MOSPD1: variants seen among roughly 807,000 people sequenced by gnomAD.
MOSPD1 encodes the protein motile sperm domain-containing protein 1.
In MOSPD1, 5 loss-of-function variants were observed where a neutral mutation model predicts 16.7. That is an observed-to-expected ratio of 0.30 (90% CI 0.16 to 0.63). The LOEUF (loss-of-function observed/expected upper bound fraction) is 0.63, where lower values mean the gene tolerates loss of function less well. MOSPD1 is among the 30% of genes least tolerant of loss of function. The probability of loss-of-function intolerance (pLI) is 0.82; values close to 1 mark genes in which losing one functional copy is unlikely to be tolerated. For missense variants in MOSPD1, 104 were observed against 153.6 expected, an observed-to-expected ratio of 0.68 and a Z score of 1.71; for synonymous variants, 67 against 59.2, an observed-to-expected ratio of 1.13 and a Z score of -0.61.
At chrX:134,910,127 G>A (rs1207227837) in intron 1 of MOSPD1, among the ~76,000 whole-genome samples, 1 of 111,526 alleles carries the variant, frequency 9.0e-6, no homozygotes, top group Non-Finnish European at 1.9e-5. Context: ...TTCATGGCCG[G>A]GCGCAGTGAC....
chrX:134,892,684 G>A (rs2082867758), intron 4 of MOSPD1, among the ~76,000 whole-genome samples: 1 of 111,916 alleles, frequency 8.9e-6, no homozygotes, highest in African/African-American at 3.2e-5. Flanking sequence ...ATGAGGTCAG[G>A]GGTTTGAGAA....
intron 4 of MOSPD1, among the ~76,000 whole-genome samples, chrX:134,893,555 G>A (rs886428664): frequency 8.9e-6 from 1 of 111,813 alleles, no homozygotes; most frequent in Non-Finnish European, 1.9e-5. Context: ...AAACGTAAAT[G>A]TTCCTCCATA....
intron 1 of MOSPD1, among the ~76,000 whole-genome samples, chrX:134,913,382 T>C (rs1226582259): frequency 1.8e-5 from 2 of 111,467 alleles, no homozygotes; most frequent in Non-Finnish European, 3.8e-5. Flanking sequence ...TCAAAAAATA[T>C]ATATATTTTT....
intron 1 of MOSPD1, among the ~76,000 whole-genome samples, chrX:134,906,151 C>CCTA (rs1380229465): frequency 3.5e-4 from 36 of 102,381 alleles, no homozygotes; most frequent in Admixed American, 9.6e-4. Context: ...TATTTCTTTT[C>CCTA]CTATCTCTGT....
intron 3 of MOSPD1, 101 bp downstream of exon 3, chrX:134,898,989 C>T (rs911785105): frequency 2.3e-5 from 16 of 706,276 alleles, no homozygotes; most frequent in African/African-American, 2.2e-4. Flanking sequence ...TAATAAATGC[C>T]TATGTGAGAA....
rs912274173 is a variant in MOSPD1 at position 134,888,209 on chromosome X, TA to T, written c.*951del. The T allele has an allele frequency of 5.4e-4, 60 of 111,463 alleles. 2 individuals are homozygous for T. The highest frequency in any genetic ancestry group is 4.6e-3 in the Middle Eastern group (1 of 217). The allele number at this position is 111,463 out of a possible 1,213,427, so 9.2% of individuals were successfully genotyped here. A position where few individuals can be genotyped will look rare whatever the true frequency, so the allele number is the denominator to read the frequency against. On this transcript the variant is annotated 3_prime_UTR_variant, in exon 6 of 6. Coordinates refer to ENST00000370783, the MANE Select transcript of MOSPD1 (RefSeq NM_019556.3). ...TTGGCAAAGTTGTCTTAATAATAAATAAAAACTTAAAAAAAAGTCTCAGTGA... is the reference window on the plus strand; with the variant it reads ...TTGGCAAAGTTGTCTTAATAATAAATAAAACTTAAAAAAAAGTCTCAGTGA...
chrX:134,889,229 C>T lies in MOSPD1; in HGVS notation c.611-37G>A, dbSNP rs772093752. The stretch of plus-strand genomic sequence containing the variant: ...AAAATGGAGAACAGTTAAAGGTATG[C>T]ACCTAACAGAATCTTTCATTCAATA... On this transcript the variant is annotated intron_variant, in intron 5 of 5. Coordinates refer to ENST00000370783, the MANE Select transcript of MOSPD1 (RefSeq NM_019556.3). 6.5e-6 allele frequency: 7 copies of T among 1,083,047 alleles called. No homozygotes were observed. In the African/African-American group the frequency reaches 9.3e-5, roughly 14 times the overall value. The allele number at this position is 1,083,047 out of a possible 1,213,427, so 89.3% of individuals were successfully genotyped here.
Position 134,900,736 on chromosome X carries a change from C to CTT in MOSPD1, c.-101-1204_-101-1203dup, listed in dbSNP as rs764421916. Among the ~76,000 whole-genome samples the CTT allele has an allele frequency of 5.9e-5, 6 of 102,458 alleles. No homozygotes were observed. The South Asian group carries it at 2.1e-3, about 37-fold the overall frequency. 89.0% of individuals were successfully genotyped at this position (102,458 alleles called of 115,157 possible). A position where few individuals can be genotyped will look rare whatever the true frequency, so the allele number is the denominator to read the frequency against. ...TATTTACCAAGCACACCAAGTGTGC[C>CTT]TTTTTTTTTTTTTAAGAGACAGGGT... On this transcript the variant is annotated intron_variant, in intron 1 of 5. Transcript: ENST00000370783.
intron 1 of MOSPD1, chrX:134,899,754 T>C: frequency 5.8e-6 from 1 of 172,173 alleles, no homozygotes; most frequent in Non-Finnish European, 1.1e-5. Flanking sequence ...TGTGGTGAAA[T>C]GCTGTCTCTA....
intron 1 of MOSPD1, among the ~76,000 whole-genome samples, chrX:134,910,367 T>C (rs1380712375): frequency 3.7e-5 from 4 of 109,391 alleles, no homozygotes; most frequent in Non-Finnish European, 7.6e-5. Flanking sequence ...ATCACACCAC[T>C]GCACTCCAGC....
intron 1 of MOSPD1, among the ~76,000 whole-genome samples, chrX:134,906,174 C>T (rs865999450): frequency 3.5e-5 from 2 of 56,645 alleles, no homozygotes; most frequent in African/African-American, 1.8e-4. Flanking sequence ...CCATTTATCA[C>T]TTTTTTTTTT....
chrX:134,906,798 T>G (rs2082945823), intron 1 of MOSPD1, among the ~76,000 whole-genome samples: 1 of 111,868 alleles, frequency 8.9e-6, no homozygotes, highest in African/African-American at 3.2e-5. Context: ...GGTTCCCACT[T>G]TTCTAATTTG....
chrX:134,908,994 G>A (rs966540960), intron 1 of MOSPD1, among the ~76,000 whole-genome samples: 1 of 111,333 alleles, frequency 9.0e-6, no homozygotes, highest in African/African-American at 3.3e-5. Context: ...CAGGCCGGGC[G>A]CGGTGGCTCA....
At chrX:134,902,391 A>ATAAT (rs57236654) in intron 1 of MOSPD1, among the ~76,000 whole-genome samples, 1 of 46,461 alleles carries the variant, frequency 2.2e-5, no homozygotes, top group Non-Finnish European at 4.4e-5. Context: ...ATTCCGTCTC[A>ATAAT]TAAATAAATA....
intron 1 of MOSPD1, among the ~76,000 whole-genome samples, chrX:134,906,164 C>T (rs1349469098): frequency 1.1e-5 from 1 of 94,996 alleles, no homozygotes; most frequent in African/African-American, 4.1e-5. Flanking sequence ...ATCTCTGTTC[C>T]CATTTATCAC....
At chrX:134,913,506 TTTC>T (rs1389160736) in intron 1 of MOSPD1, among the ~76,000 whole-genome samples, 1 of 112,238 alleles carries the variant, frequency 8.9e-6, no homozygotes, top group African/African-American at 3.2e-5. Context: ...TCTCTGATCA[TTTC>T]TTAACTGTTA....
chrX:134,896,901 T>C lies in MOSPD1; in HGVS notation c.364A>G (p.Lys122Glu). ...EVVATLLPSA[K>E]EQQKEEEEKR... is the part of the protein sequence containing the mutation. ...TCCTCTTCTTCCTTTTGTTGTTCTTTTGCTGATGGGAGAAGAGTAGCAACA... is the reference window on the plus strand; with the variant it reads ...TCCTCTTCTTCCTTTTGTTGTTCTTCTGCTGATGGGAGAAGAGTAGCAACA... Residue 122 changes from lysine (K) to glutamate (E), a missense_variant, in exon 4 of 6, where the codon AAA (lysine) becomes GAA (glutamate). Physicochemically the swap from Lys to Glu is moderately conservative, Grantham distance 56. This residue lies in a region of MOSPD1 where 68 missense variants were observed against 73.1 expected (regional missense o/e 0.93). Transcript: ENST00000370783. 2 of 1,210,093 alleles carry C rather than the reference T, an allele frequency of 1.7e-6. No individual in the cohort carries two copies. The highest frequency in any genetic ancestry group is 3.5e-5 in the South Asian group (2 of 56,940).
chrX:134,905,688 T>C (rs141352326), intron 1 of MOSPD1, among the ~76,000 whole-genome samples: 1,873 of 112,297 alleles, frequency 0.017, 47 homozygotes, highest in African/African-American at 0.058. Flanking sequence ...TTCTAGTTTA[T>C]AATCCTCTAA....
In MOSPD1 at chrX:134,903,580, C is replaced by T. The variant is rs761301798; in HGVS notation, c.-101-4046G>A. Among the ~76,000 whole-genome samples, 3 of 107,590 alleles carry T rather than the reference C, an allele frequency of 2.8e-5. No individual in the cohort carries two copies. In the East Asian group the frequency reaches 8.8e-4, roughly 31 times the overall value. 93.4% of individuals were successfully genotyped at this position (107,590 alleles called of 115,157 possible). A position where few individuals can be genotyped will look rare whatever the true frequency, so the allele number is the denominator to read the frequency against. On this transcript the variant is annotated intron_variant, in intron 1 of 5. Coordinates refer to ENST00000370783, the MANE Select transcript of MOSPD1 (RefSeq NM_019556.3). The stretch of plus-strand genomic sequence containing the variant: ...TACTAAAATTAGCCAGGCGTGGTGG[C>T]GTGTGCCTGTAGTCCCAGCTACTTG...
Sources: gnomAD v4.1 joint callset for allele counts (sites outside exome capture counted in the v4.1 genomes callset) on GRCh38, gnomAD v4.1.1 for gene constraint, gnomAD v4.1.1 regional missense constraint, MANE v1.5 for transcripts, NCBI Gene and HGNC (gene_info 2026-07-23, HGNC 2026-07-21) for gene names.